HCN1: variants seen among roughly 807,000 people sequenced by gnomAD.
HCN1 encodes the protein hyperpolarization activated cyclic nucleotide gated potassium channel 1, also known as potassium/sodium hyperpolarization-activated cyclic nucleotide-gated channel 1.
Under a neutral mutation model 78.9 loss-of-function variants are expected in HCN1, and 13 were observed. The observed-to-expected ratio is 0.16, with a 90% CI of 0.11 to 0.26. HCN1 has a LOEUF of 0.26. Among genes scored for constraint, HCN1 ranks in the 10% least tolerant of loss-of-function variants. The pLI is 1.00. For missense variants in HCN1, 810 were observed against 1,154.3 expected (o/e 0.70, Z 4.32); for synonymous variants, 552 against 455.5 (o/e 1.21, Z -2.70).
intron 3 of HCN1, among the ~76,000 whole-genome samples, chr5:45,403,322 A>T (rs2112047492): frequency 6.6e-6 from 1 of 152,182 alleles, no homozygotes; most frequent in Non-Finnish European, 1.5e-5. Flanking sequence ...CCCAGGAACA[A>T]AGGGCTTGTA....
At chr5:45,465,415 T>A (rs1356039114) in intron 2 of HCN1, among the ~76,000 whole-genome samples, 1 of 152,126 alleles carries the variant, frequency 6.6e-6, no homozygotes, top group Non-Finnish European at 1.5e-5. Flanking sequence ...ACTTTTAAGT[T>A]ACTTTCAAGT....
chr5:45,632,910 T>C (rs954948392), intron 2 of HCN1, among the ~76,000 whole-genome samples: 1 of 152,026 alleles, frequency 6.6e-6, no homozygotes, highest in African/African-American at 2.4e-5. Context: ...AAGGTAAGTG[T>C]TTTCAGAACT....
intron 2 of HCN1, among the ~76,000 whole-genome samples, chr5:45,597,494 T>C (rs1744525396): frequency 6.6e-6 from 1 of 152,170 alleles, no homozygotes; most frequent in South Asian, 2.1e-4. Context: ...AAGCATTCCC[T>C]TTGAAAACTG....
At chr5:45,438,645 CA>C (rs1445482711) in intron 3 of HCN1, among the ~76,000 whole-genome samples, 8 of 150,390 alleles carry the variant, frequency 5.3e-5, no homozygotes, top group African/African-American at 2.0e-4. Context: ...ACAACAAAAA[CA>C]ACAAAACACC....
chr5:45,372,966 G>T (rs1249946271), intron 4 of HCN1, among the ~76,000 whole-genome samples: 3 of 122,496 alleles, frequency 2.4e-5, no homozygotes, highest in South Asian at 2.5e-4. Flanking sequence ...ATACATAAAA[G>T]ATATAAAATA....
intron 2 of HCN1, among the ~76,000 whole-genome samples, chr5:45,505,343 A>G (rs915493288): frequency 6.6e-6 from 1 of 152,164 alleles, no homozygotes; most frequent in Non-Finnish European, 1.5e-5. Context: ...TCCCAGCACC[A>G]TTTATTAAAT....
intron 2 of HCN1, among the ~76,000 whole-genome samples, chr5:45,556,815 T>C (rs1179048484): frequency 6.6e-6 from 1 of 152,022 alleles, no homozygotes; most frequent in Non-Finnish European, 1.5e-5. Flanking sequence ...GTTTCTCATA[T>C]AATTCTGTGT....
chr5:45,610,883 T>C (rs1040234466), intron 2 of HCN1, among the ~76,000 whole-genome samples: 1 of 152,054 alleles, frequency 6.6e-6, no homozygotes, highest in Non-Finnish European at 1.5e-5. Context: ...ACTCTTTTTA[T>C]CTAGAACAAT....
chr5:45,565,160 A>G (rs1363587482), intron 2 of HCN1, among the ~76,000 whole-genome samples: 4 of 150,734 alleles, frequency 2.7e-5, no homozygotes, highest in Non-Finnish European at 5.9e-5. Flanking sequence ...CAGGGTAGAT[A>G]TTTTTCCTTT....
At chr5:45,652,063 T>C (rs1745686457) in intron 1 of HCN1, among the ~76,000 whole-genome samples, 1 of 151,956 alleles carries the variant, frequency 6.6e-6, no homozygotes. Flanking sequence ...GGGTGGTGCA[T>C]TGTTTTAGCT....
chr5:45,570,310 T>C (rs1743799159), intron 2 of HCN1, among the ~76,000 whole-genome samples: 1 of 152,114 alleles, frequency 6.6e-6, no homozygotes, highest in South Asian at 2.1e-4. Context: ...ATGTTTCTTT[T>C]ATTACACATT....
chr5:45,444,349 AAAG>A, intron 3 of HCN1, among the ~76,000 whole-genome samples: 1 of 152,338 alleles, frequency 6.6e-6, no homozygotes, highest in Middle Eastern at 3.4e-3. Context: ...TTTACATTTC[AAAG>A]AAGTATCTAC....
intron 2 of HCN1, among the ~76,000 whole-genome samples, chr5:45,500,528 G>T (rs1742166320): frequency 6.6e-6 from 1 of 152,040 alleles, no homozygotes; most frequent in Non-Finnish European, 1.5e-5. Context: ...TTGGATTAGA[G>T]GAATAAATGT....
chr5:45,291,917 T>G (rs987309244), intron 6 of HCN1, among the ~76,000 whole-genome samples: 3 of 152,108 alleles, frequency 2.0e-5, no homozygotes, highest in Middle Eastern at 3.2e-3. Flanking sequence ...TTATTTGAAA[T>G]TATTTTATGT....
intron 5 of HCN1, among the ~76,000 whole-genome samples, chr5:45,317,103 T>G (rs1026237336): frequency 6.6e-6 from 1 of 152,044 alleles, no homozygotes; most frequent in South Asian, 2.1e-4. Flanking sequence ...GAGCCTGCAT[T>G]GCCAAGTCAA....
chr5:45,267,588 T>C (rs1461839519), intron 6 of HCN1, among the ~76,000 whole-genome samples: 1 of 151,714 alleles, frequency 6.6e-6, no homozygotes, highest in Admixed American at 6.6e-5. Flanking sequence ...GCTAACATGG[T>C]GAAACCCCGT....
At chr5:45,372,291 TC>T (rs1747413960) in intron 4 of HCN1, among the ~76,000 whole-genome samples, 1 of 93,858 alleles carries the variant, frequency 1.1e-5, no homozygotes, top group Non-Finnish European at 1.8e-5. Flanking sequence ...AATATATATT[TC>T]ATATATAATA....
chr5:45,351,114 G>C (rs1746890976), intron 5 of HCN1, among the ~76,000 whole-genome samples: 1 of 152,050 alleles, frequency 6.6e-6, no homozygotes, highest in African/African-American at 2.4e-5. Flanking sequence ...CACGCTACCT[G>C]ACTTCAAACT....
At chr5:45,404,324 T>C (rs1739878708) in intron 3 of HCN1, among the ~76,000 whole-genome samples, 1 of 152,148 alleles carries the variant, frequency 6.6e-6, no homozygotes, top group South Asian at 2.1e-4. Context: ...TTTCATATAA[T>C]CTGAATCCCA....
Sources: gnomAD v4.1 joint callset for allele counts (sites outside exome capture counted in the v4.1 genomes callset) on GRCh38, gnomAD v4.1.1 for gene constraint, MANE v1.5 for transcripts, NCBI Gene and HGNC (gene_info 2026-07-23, HGNC 2026-07-21) for gene names.